The following CFTR variants were observed in gnomAD, a reference collection of about 807,000 sequenced individuals.
CFTR encodes the protein CF transmembrane conductance regulator.
In CFTR, 181 loss-of-function variants were observed where a neutral mutation model predicts 171.6. The ratio of observed to expected loss-of-function variants is 1.05; its 90% CI spans 0.93 to 1.19. The LOEUF (loss-of-function observed/expected upper bound fraction) is 1.19, where lower values mean the gene tolerates loss of function less well. Ranked by LOEUF, CFTR falls within the 50% of genes most tolerant of loss-of-function variation. CFTR has a pLI of 0.00. For missense variants in CFTR, 1,968 were observed against 1,734.7 expected (o/e 1.13, Z -2.39); for synonymous variants, 583 against 608.0 (o/e 0.96, Z 0.60).
intron 23 of CFTR, among the ~76,000 whole-genome samples, chr7:117,646,921 T>G (rs1793003533): frequency 6.6e-6 from 1 of 151,932 alleles, no homozygotes; most frequent in Non-Finnish European, 1.5e-5. Context: ...ACTAAAAAGT[T>G]GTAGTATAAA....
At chr7:117,575,902 T>G (rs575665787) in intron 11 of CFTR, among the ~76,000 whole-genome samples, 2 of 152,292 alleles carry the variant, frequency 1.3e-5, no homozygotes, top group South Asian at 4.1e-4. Context: ...GATCTTTTGT[T>G]GTAGAGAGTT....
At position 117,540,447 on chromosome 7, in the gene CFTR, G is replaced by T. The variant is rs1799035793; in HGVS notation, c.1116+101G>T. 13 of 1,132,702 alleles carry T rather than the reference G, an allele frequency of 1.1e-5. No individual in the cohort carries two copies. The South Asian group carries it at 1.8e-4, about 16-fold the overall frequency. 70.2% of individuals were successfully genotyped at this position (1,132,702 alleles called of 1,614,324 possible). A position where few individuals can be genotyped will look rare whatever the true frequency, so the allele number is the denominator to read the frequency against. On this transcript the variant is annotated intron_variant, in intron 8 of 26. Transcript: ENST00000003084. ...AAAAATGTGCGAAAAGATAGAAAAA[G>T]AAATTTCCTTCACTAGGAAGTTATA...
At chr7:117,602,455 GATTA>G (rs1164657120) in intron 15 of CFTR, among the ~76,000 whole-genome samples, 4 of 152,190 alleles carry the variant, frequency 2.6e-5, no homozygotes, top group Admixed American at 2.0e-4. Context: ...ATAGCAAACA[GATTA>G]ATTATCTGCC....
intron 15 of CFTR, among the ~76,000 whole-genome samples, chr7:117,596,647 T>C (rs1792132843): frequency 6.6e-6 from 1 of 152,236 alleles, no homozygotes; most frequent in Non-Finnish European, 1.5e-5. Flanking sequence ...GCACTCTGTA[T>C]CTAGCTCAAG....
intron 20 of CFTR, among the ~76,000 whole-genome samples, chr7:117,612,234 T>C (rs1792419259): frequency 7.1e-6 from 1 of 140,842 alleles, no homozygotes; most frequent in Non-Finnish European, 1.5e-5. Flanking sequence ...CATCCGCATT[T>C]ACACACACAC....
intron 15 of CFTR, among the ~76,000 whole-genome samples, chr7:117,596,385 C>G (rs906074235): frequency 2.0e-5 from 3 of 152,250 alleles, no homozygotes; most frequent in Non-Finnish European, 2.9e-5. Context: ...TGAGCCTCCC[C>G]CCAACCTGCC....
chr7:117,656,084 C>T (rs1205482713), intron 24 of CFTR, among the ~76,000 whole-genome samples: 1 of 152,074 alleles, frequency 6.6e-6, no homozygotes, highest in East Asian at 1.9e-4. Flanking sequence ...CTATAGGTAG[C>T]ACTACTTTGT....
chr7:117,630,057 G>A (rs1243950343), intron 22 of CFTR, among the ~76,000 whole-genome samples: 3 of 152,274 alleles, frequency 2.0e-5, no homozygotes, highest in African/African-American at 7.2e-5. Context: ...AATCTAAAAG[G>A]GAAAACGTAA....
intron 11 of CFTR, among the ~76,000 whole-genome samples, chr7:117,583,317 C>A (rs371981744): frequency 1.3e-5 from 2 of 151,808 alleles, no homozygotes; most frequent in Non-Finnish European, 2.9e-5. Context: ...TCTTTTATCC[C>A]CCCCCCGCTC....
At chr7:117,555,708 G>A (rs1272277670) in intron 10 of CFTR, among the ~76,000 whole-genome samples, 1 of 152,178 alleles carries the variant, frequency 6.6e-6, no homozygotes, top group African/African-American at 2.4e-5. Context: ...CTGCAATTTC[G>A]AGATAAATGA....
chr7:117,492,060 C>A (rs1293475327), intron 1 of CFTR, among the ~76,000 whole-genome samples: 2 of 151,930 alleles, frequency 1.3e-5, no homozygotes, highest in Admixed American at 1.3e-4. Context: ...GAAAAAGGAC[C>A]TTTTGCTCTT....
chr7:117,604,896 G>A (rs930718855), intron 17 of CFTR: 1 of 152,234 alleles, frequency 6.6e-6, no homozygotes, highest in Non-Finnish European at 1.5e-5. Flanking sequence ...ATGAGGCACA[G>A]TGGAAAGAAC....
Position 117,529,352 on chromosome 7 carries a change from T to C in CFTR, c.274-1547T>C, listed in dbSNP as rs1168468283. On this transcript the variant is annotated intron_variant, in intron 3 of 26. Transcript: ENST00000003084. ...GGACACAGGAAGGGGAATATCACAC[T>C]CTGGGGACTGTGGTGGGGTCGGGGG... Among the ~76,000 whole-genome samples, 4 of 104,348 alleles carry C rather than the reference T, an allele frequency of 3.8e-5. No individual in the cohort carries two copies. The Admixed American group carries it at 4.3e-4, about 11-fold the overall frequency. The allele number at this position is 104,348 out of a possible 152,430, so 68.5% of individuals were successfully genotyped here. A position where few individuals can be genotyped will look rare whatever the true frequency, so the allele number is the denominator to read the frequency against.
At chr7:117,664,130 A>G (rs1793329843) in intron 24 of CFTR, among the ~76,000 whole-genome samples, 1 of 152,164 alleles carries the variant, frequency 6.6e-6, no homozygotes. Context: ...GCAATTTTCC[A>G]TATGTAATTT....
chr7:117,533,223 C>T (rs1798891264), intron 4 of CFTR, among the ~76,000 whole-genome samples: 1 of 152,052 alleles, frequency 6.6e-6, no homozygotes, highest in Non-Finnish European at 1.5e-5. Flanking sequence ...TGGATTTCCC[C>T]CACTTCATAT....
intron 17 of CFTR, among the ~76,000 whole-genome samples, chr7:117,604,612 C>G (rs886396693): frequency 1.3e-5 from 2 of 152,060 alleles, no homozygotes; most frequent in African/African-American, 4.8e-5. Flanking sequence ...CTAAAAAACT[C>G]AAGATAAGAA....
chr7:117,501,696 G>A (rs1344625738), intron 1 of CFTR, among the ~76,000 whole-genome samples: 1 of 126,586 alleles, frequency 7.9e-6, no homozygotes, highest in African/African-American at 2.9e-5. Flanking sequence ...GTGGTGAGCT[G>A]AGATTGCGCC....
At chr7:117,490,087 C>T (rs1798133559) in intron 1 of CFTR, among the ~76,000 whole-genome samples, 2 of 151,858 alleles carry the variant, frequency 1.3e-5, no homozygotes, top group Admixed American at 1.3e-4. Context: ...ATGGAAGAAG[C>T]ATGTACTTTG....
At chr7:117,562,965 T>C (rs1031303623) in intron 11 of CFTR, among the ~76,000 whole-genome samples, 1 of 152,154 alleles carries the variant, frequency 6.6e-6, no homozygotes, top group African/African-American at 2.4e-5. Flanking sequence ...GAAGGCCATG[T>C]CATGGAGGCC....
Sources: gnomAD v4.1 joint callset for allele counts (sites outside exome capture counted in the v4.1 genomes callset) on GRCh38, gnomAD v4.1.1 for gene constraint, MANE v1.5 for transcripts, NCBI Gene and HGNC (gene_info 2026-07-23, HGNC 2026-07-21) for gene names.